The following TTI2 variants were observed in gnomAD, a reference collection of about 807,000 sequenced individuals.
TTI2 encodes the protein TELO2-interacting protein 2.
A neutral mutation model predicts 44.9 loss-of-function variants in TTI2; 26 were observed. The observed-to-expected ratio is 0.58, with a 90% confidence interval of 0.42 to 0.80. TTI2 has a LOEUF of 0.80. Among genes scored for constraint, TTI2 ranks in the 30% least tolerant of loss-of-function variants. The pLI, the probability that TTI2 is intolerant of heterozygous loss-of-function variation, is 0.00. For missense variants in TTI2, 582 were observed against 611.6 expected (o/e 0.95, Z 0.51); for synonymous variants, 254 against 250.9 (o/e 1.01, Z -0.12).
At chr8:33,505,485 C>CTTTTTTTT (rs11446015) in intron 4 of TTI2, among the ~76,000 whole-genome samples, 4 of 146,936 alleles carry the variant, frequency 2.7e-5, no homozygotes, top group Non-Finnish European at 3.0e-5. Context: ...GCCACTGCAC[C>CTTTTTTTT]TTTTTTTTTT....
At chr8:33,509,589 T>C (rs1809443349) in intron 3 of TTI2, among the ~76,000 whole-genome samples, 157 bp downstream of exon 3, 1 of 152,030 alleles carries the variant, frequency 6.6e-6, no homozygotes, top group Non-Finnish European at 1.5e-5. Flanking sequence ...TTACATTACC[T>C]ATAGGATACA....
chr8:33,499,843 G>A (rs1185902725), intron 7 of TTI2: 3 of 156,826 alleles, frequency 1.9e-5, no homozygotes, highest in African/African-American at 4.8e-5. Flanking sequence ...GTTAACTTTT[G>A]TGGAATATGA....
At chr8:33,506,234 C>T (rs1809288163) in intron 4 of TTI2, among the ~76,000 whole-genome samples, 1 of 152,174 alleles carries the variant, frequency 6.6e-6, no homozygotes, top group Admixed American at 6.5e-5. Context: ...TTCATTTACT[C>T]TTGGAACCAT....
intron 4 of TTI2, among the ~76,000 whole-genome samples, chr8:33,504,997 C>T (rs551272989): frequency 2.6e-4 from 40 of 152,212 alleles, no homozygotes; most frequent in Middle Eastern, 3.4e-3. Context: ...CCAAGGCGGG[C>T]GGATCACTTG....
intron 4 of TTI2, among the ~76,000 whole-genome samples, chr8:33,506,906 G>T (rs1324654799): frequency 6.6e-6 from 1 of 151,858 alleles, no homozygotes; most frequent in East Asian, 1.9e-4. Context: ...TGTCAGCCAG[G>T]CTGGTCTCGA....
intron 3 of TTI2, among the ~76,000 whole-genome samples, chr8:33,509,190 C>T (rs370773873): frequency 5.3e-5 from 8 of 149,634 alleles, no homozygotes; most frequent in East Asian, 2.0e-4. Context: ...CAGTGGCTCA[C>T]GCCTGTAATC....
chr8:33,499,094 C>CT lies in TTI2; in HGVS notation c.*78dup. On this transcript the variant is annotated 3_prime_UTR_variant, in exon 8 of 8. Coordinates refer to ENST00000431156, the MANE Select transcript of TTI2 (RefSeq NM_001102401.4). ...CTTACAAAGTTTCGTGTAAAAATAT[C>CT]TTTTTTTCTTAAATAACTCCATTCA... is the stretch of plus-strand genomic sequence containing the variant. 8.1e-7 allele frequency: 1 copy of CT among 1,232,116 alleles called. No homozygotes were observed. Among genetic ancestry groups the CT allele is most frequent in the Non-Finnish European group, 1.2e-6 (1 of 841,894 alleles). 76.3% of individuals were successfully genotyped at this position (1,232,116 alleles called of 1,614,324 possible). A position where few individuals can be genotyped will look rare whatever the true frequency, so the allele number is the denominator to read the frequency against.
At chr8:33,512,741 A>T in intron 1 of TTI2, 29 bp from the exon 2 acceptor site, 1 of 1,126,250 alleles carries the variant, frequency 8.9e-7, no homozygotes, top group Non-Finnish European at 1.2e-6. Flanking sequence ...AAACAGAGAG[A>T]TGTCTTGGAG....
intron 3 of TTI2, among the ~76,000 whole-genome samples, chr8:33,507,568 T>A (rs1294065913): frequency 1.3e-5 from 2 of 152,176 alleles, no homozygotes; most frequent in East Asian, 1.9e-4. Context: ...CATACCAGGG[T>A]AAGAAAACAG....
chr8:33,498,852 G>GCATA lies in TTI2; in HGVS notation c.*320_*321insTATG, dbSNP rs1442315396. On this transcript the variant is annotated 3_prime_UTR_variant, in exon 8 of 8. Coordinates refer to ENST00000431156, the MANE Select transcript of TTI2 (RefSeq NM_001102401.4). ...GTGTTTTTATAGCATATGTGTTGAA[G>GCATA]TAACAGCTTGTGCCCGAGAAACTTA... is the stretch of plus-strand genomic sequence containing the variant. 1 of 591,726 alleles carries GCATA rather than the reference G, an allele frequency of 1.7e-6. No individual in the cohort carries two copies. The highest frequency in any genetic ancestry group is 1.9e-5 in the African/African-American group (1 of 53,692). 36.7% of individuals were successfully genotyped at this position (591,726 alleles called of 1,614,324 possible).
At chr8:33,500,282 T>C (rs762339803) in intron 7 of TTI2, 46 bp downstream of exon 7, 1 of 1,609,606 alleles carries the variant, frequency 6.2e-7, no homozygotes, top group East Asian at 2.2e-5. Context: ...GGGAATTACA[T>C]AAGGATAATG....
Position 33,512,718 on chromosome 8 carries a change from A to C in TTI2, c.-99-6T>G. 1 of 1,294,844 alleles carries C rather than the reference A, an allele frequency of 7.7e-7. No individual in the cohort carries two copies. Among genetic ancestry groups the C allele is most frequent in the Non-Finnish European group, 1.1e-6 (1 of 936,512 alleles). 80.2% of individuals were successfully genotyped at this position (1,294,844 alleles called of 1,614,324 possible). A position where few individuals can be genotyped will look rare whatever the true frequency, so the allele number is the denominator to read the frequency against. ...GAGCGATCACCCAAAGAGAACTAAA[A>C]TCAAATAAAATAAAACAGAGAGATG... is the stretch of plus-strand genomic sequence containing the variant. On this transcript the variant is annotated splice_polypyrimidine_tract_variant and splice_region_variant and intron_variant, in intron 1 of 7. Transcript: ENST00000431156.
chr8:33,508,067 G>A (rs1170170627), intron 3 of TTI2, among the ~76,000 whole-genome samples: 2 of 14,012 alleles, frequency 1.4e-4, no homozygotes, highest in African/African-American at 2.5e-4. Flanking sequence ...ACAAGACAAA[G>A]AAAATGTGGC....
chr8:33,512,749 G>A, intron 1 of TTI2, 37 bp from the exon 2 acceptor site: 1 of 1,022,836 alleles, frequency 9.8e-7, no homozygotes, highest in South Asian at 1.6e-5. Context: ...AGATGTCTTG[G>A]AGGAGGGGGC....
At chr8:33,500,236 G>A in intron 7 of TTI2, 92 bp downstream of exon 7, 1 of 1,460,052 alleles carries the variant, frequency 6.8e-7, no homozygotes. Flanking sequence ...TTCCAGACTT[G>A]GTCAGGCACA....
In TTI2 at chr8:33,499,123, A is replaced by C. The variant is rs1027334760; in HGVS notation, c.*50T>G. The C allele has an allele frequency of 6.9e-7, 1 of 1,456,520 alleles. No homozygotes were observed. Among genetic ancestry groups the C allele is most frequent in the Admixed American group, 1.7e-5 (1 of 59,536 alleles). The allele number at this position is 1,456,520 out of a possible 1,614,324, so 90.2% of individuals were successfully genotyped here. On this transcript the variant is annotated 3_prime_UTR_variant, in exon 8 of 8. Coordinates refer to ENST00000431156, the MANE Select transcript of TTI2 (RefSeq NM_001102401.4). ...TTTTCTTAAATAACTCCATTCATAC[A>C]AATTGGGATGGGAAGAAAATCCTTT...
At chr8:33,507,533 A>T (rs992324854) in intron 3 of TTI2, among the ~76,000 whole-genome samples, 2 of 152,190 alleles carry the variant, frequency 1.3e-5, no homozygotes, top group Non-Finnish European at 2.9e-5. Flanking sequence ...GTGATAAAAG[A>T]TTCCTCTGGG....
intron 2 of TTI2, among the ~76,000 whole-genome samples, chr8:33,510,292 A>T (rs548361574): frequency 5.9e-5 from 9 of 152,236 alleles, no homozygotes; most frequent in Non-Finnish European, 1.3e-4. Context: ...AAACAAATGA[A>T]TCAACACTTG....
Position 33,500,363 on chromosome 8 carries a change from T to G in TTI2, c.1387A>C (p.Ile463Leu). 1 of 1,614,178 alleles carries G rather than the reference T, an allele frequency of 6.2e-7. No individual in the cohort carries two copies. Among genetic ancestry groups the G allele is most frequent in the Non-Finnish European group, 8.5e-7 (1 of 1,180,032 alleles). The change falls in exon 7 of 8, where the codon ATT becomes CTT. Residue 463 changes from isoleucine (I) to leucine (L), a missense_variant. Ile to Leu is a conservative substitution (Grantham distance 5). Transcript: ENST00000431156. ...ALLQEATDCL[I>L]LLDRCSQGRV... is the part of the protein sequence containing the mutation. ...CCTTGAGAACAGCGGTCCAGGAGAATCAGGCAGTCTGTGGCCTCCTGTAGC... is the reference window on the plus strand; with the variant it reads ...CCTTGAGAACAGCGGTCCAGGAGAAGCAGGCAGTCTGTGGCCTCCTGTAGC...
Sources: allele counts gnomAD v4.1 joint callset (sites outside exome capture counted in the v4.1 genomes callset), GRCh38; gene constraint gnomAD v4.1.1; transcripts MANE v1.5; gene names NCBI Gene and HGNC (gene_info 2026-07-23, HGNC 2026-07-21).